Variants in LSAMP observed in about 807,000 individuals in gnomAD.
The protein encoded by LSAMP is limbic system-associated membrane protein.
LSAMP carries 7 observed loss-of-function variants against 38.6 expected under a neutral mutation model. The observed-to-expected ratio is 0.18, with a 90% CI of 0.10 to 0.34. The LOEUF (loss-of-function observed/expected upper bound fraction) is 0.34. LSAMP is among the 10% of genes least tolerant of loss of function. LSAMP has a pLI of 1.00. For synonymous variants in LSAMP, 154 were observed against 166.8 expected (o/e 0.92, Z 0.59); for missense variants, 313 against 420.0 (o/e 0.75, Z 2.23).
intron 1 of LSAMP, among the ~76,000 whole-genome samples, chr3:116,386,824 G>A (rs2048632129): frequency 6.6e-6 from 1 of 152,116 alleles, no homozygotes; most frequent in Non-Finnish European, 1.5e-5. Flanking sequence ...GGAGCCTGCA[G>A]GGAAGCCTTA....
chr3:116,314,758 T>G (rs576116117), intron 1 of LSAMP, among the ~76,000 whole-genome samples: 1 of 152,160 alleles, frequency 6.6e-6, no homozygotes, highest in Admixed American at 6.5e-5. Context: ...TTTTTAGAGC[T>G]GTCAACATCT....
chr3:116,070,552 G>A (rs1460726941), intron 2 of LSAMP, among the ~76,000 whole-genome samples: 1 of 152,172 alleles, frequency 6.6e-6, no homozygotes, highest in Non-Finnish European at 1.5e-5. Flanking sequence ...GAGCATCCAG[G>A]AGGTCCTGAT....
chr3:115,941,717 C>A (rs970752559), intron 3 of LSAMP, among the ~76,000 whole-genome samples: 7 of 152,046 alleles, frequency 4.6e-5, no homozygotes. Flanking sequence ...AAATACTGTA[C>A]GTTCTCACTT....
chr3:116,085,620 T>C (rs1707971783), intron 2 of LSAMP, among the ~76,000 whole-genome samples: 1 of 152,186 alleles, frequency 6.6e-6, no homozygotes, highest in African/African-American at 2.4e-5. Flanking sequence ...CATTCTGCAA[T>C]TATGGCGAAA....
chr3:116,395,053 CCTCT>C (rs1480808706), intron 1 of LSAMP, among the ~76,000 whole-genome samples: 1 of 152,116 alleles, frequency 6.6e-6, no homozygotes, highest in African/African-American at 2.4e-5. Context: ...AACCACTGTT[CCTCT>C]CTATTTTTCA....
chr3:116,390,609 A>T (rs1266904576), intron 1 of LSAMP, among the ~76,000 whole-genome samples: 1 of 152,046 alleles, frequency 6.6e-6, no homozygotes, highest in Non-Finnish European at 1.5e-5. Context: ...ATGCAACTGT[A>T]GTCCCAGCTA....
intron 2 of LSAMP, among the ~76,000 whole-genome samples, chr3:116,022,623 T>G (rs1940671508): frequency 6.6e-6 from 1 of 152,198 alleles, no homozygotes; most frequent in Non-Finnish European, 1.5e-5. Context: ...ATCCTTGTAG[T>G]CAGCCTTCTC....
chr3:116,165,711 G>A (rs1292974440), intron 1 of LSAMP, among the ~76,000 whole-genome samples: 1 of 152,120 alleles, frequency 6.6e-6, no homozygotes, highest in East Asian at 1.9e-4. Flanking sequence ...AGTCTTAATG[G>A]GTTAGTTTTT....
At position 116,285,834 on chromosome 3, in the gene LSAMP, A is replaced by T. The variant is rs576626015; in HGVS notation, c.155+159043T>A. On this transcript the variant is annotated intron_variant, in intron 1 of 6. Transcript: ENST00000490035. ...CAAAACAGTTAGTTGTAAAACCCTT[A>T]AAAGGGAAAAGGCCTGTGCATTTGG... 3.9e-5 allele frequency among the ~76,000 whole-genome samples: 6 copies of T among 152,284 alleles called. No homozygotes were observed. In the East Asian group the frequency reaches 9.6e-4, roughly 24 times the overall value.
chr3:115,908,364 C>A (rs1323643020), intron 3 of LSAMP, among the ~76,000 whole-genome samples: 1 of 152,144 alleles, frequency 6.6e-6, no homozygotes, highest in Non-Finnish European at 1.5e-5. Context: ...CTTAGTACAT[C>A]TTATCTTGCT....
At chr3:116,428,923 T>C (rs1409144461) in intron 1 of LSAMP, among the ~76,000 whole-genome samples, 1 of 152,196 alleles carries the variant, frequency 6.6e-6, no homozygotes. Flanking sequence ...ATGGGGGTAT[T>C]AGTGTTTTAC....
chr3:115,857,235 C>T (rs891596698), intron 3 of LSAMP, among the ~76,000 whole-genome samples: 11 of 152,158 alleles, frequency 7.2e-5, no homozygotes, highest in South Asian at 2.1e-4. Context: ...AATCTTGAGT[C>T]ACAAAATTCT....
chr3:116,009,403 C>T (rs1940259379), intron 3 of LSAMP, among the ~76,000 whole-genome samples: 1 of 152,126 alleles, frequency 6.6e-6, no homozygotes, highest in Admixed American at 6.5e-5. Flanking sequence ...GAAGTCCTTC[C>T]AATCGTCTTG....
chr3:116,355,927 C>A (rs780392119), intron 1 of LSAMP, among the ~76,000 whole-genome samples: 2 of 152,084 alleles, frequency 1.3e-5, no homozygotes, highest in African/African-American at 4.8e-5. Flanking sequence ...CAGGCAATAG[C>A]AAATTCTGGC....
At chr3:116,354,096 G>A (rs1030577) in intron 1 of LSAMP, among the ~76,000 whole-genome samples, 46,821 of 151,954 alleles carry the variant, frequency 0.31, 9,870 homozygotes, top group African/African-American at 0.6. Flanking sequence ...TGCCAACATG[G>A]ACTTTTAATT....
At chr3:116,188,616 G>T (rs1039753282) in intron 1 of LSAMP, among the ~76,000 whole-genome samples, 3 of 152,112 alleles carry the variant, frequency 2.0e-5, no homozygotes, top group Non-Finnish European at 4.4e-5. Flanking sequence ...ATTCACACAA[G>T]CTTCTTTTAT....
At chr3:116,274,910 G>T (rs1211862606) in intron 1 of LSAMP, among the ~76,000 whole-genome samples, 2 of 139,256 alleles carry the variant, frequency 1.4e-5, no homozygotes, top group South Asian at 2.5e-4. Flanking sequence ...TACATAAAAA[G>T]TATATTTTTA....
chr3:116,164,605 T>TATATATATATATATATAATCCAA (rs1709988404), intron 1 of LSAMP, among the ~76,000 whole-genome samples: 4 of 118,022 alleles, frequency 3.4e-5, no homozygotes, highest in South Asian at 2.5e-4. Context: ...AATCCAAATA[T>TATATATATATATATATAATCCAA]ATATATATAT....
chr3:116,050,366 C>G (rs139886828), intron 2 of LSAMP, among the ~76,000 whole-genome samples: 7 of 152,046 alleles, frequency 4.6e-5, no homozygotes, highest in Admixed American at 1.3e-4. Flanking sequence ...TTCCTTACCC[C>G]CTGCCTCTTG....
Sources: allele counts gnomAD v4.1 joint callset (sites outside exome capture counted in the v4.1 genomes callset), GRCh38; gene constraint gnomAD v4.1.1; transcripts MANE v1.5; gene names NCBI Gene and HGNC (gene_info 2026-07-23, HGNC 2026-07-21).